Variants in NBPF20 observed in about 807,000 individuals in gnomAD.
NBPF20 encodes NBPF family member NBPF20.
Under a neutral mutation model 68.1 loss-of-function variants are expected in NBPF20, and 90 were observed. The observed-to-expected ratio is 1.32, with a 90% CI of 1.11 to 1.58. The LOEUF (loss-of-function observed/expected upper bound fraction) is 1.58, where lower values mean the gene tolerates loss of function less well. NBPF20 is among the 40% of genes most tolerant of loss of function. The probability of loss-of-function intolerance (pLI) is 0.00; values close to 1 mark genes in which losing one functional copy is unlikely to be tolerated. For synonymous variants in NBPF20, 290 were observed against 228.1 expected (o/e 1.27, Z -2.45); for missense variants, 816 against 601.2 (o/e 1.36, Z -3.74).
chr1:145,393,383 G>T (rs1273797057), intron 9 of NBPF20, 137 bp from the exon 15 acceptor site: 28 of 713,674 alleles, frequency 3.9e-5, no homozygotes, highest in Admixed American at 1.6e-4. Flanking sequence ...AGAAATTATT[G>T]CCTTTATGTT....
intron 6 of NBPF20, among the ~76,000 whole-genome samples, chr1:145,400,002 T>C (rs1229235715): frequency 2.0e-5 from 3 of 152,120 alleles, no homozygotes; most frequent in African/African-American, 4.8e-5. Flanking sequence ...GGGGGAACAA[T>C]ATTTCCAAAT....
Position 145,352,107 on chromosome 1 carries a change from A to T in NBPF20, c.7350-18T>A, listed in dbSNP as rs1240544424. 8,920 of 28,204 alleles carry T rather than the reference A, an allele frequency of 0.32. 65 individuals are homozygous for T. Among genetic ancestry groups the T allele is most frequent in the African/African-American group, 0.42 (683 of 1,642 alleles). The allele number at this position is 28,204 out of a possible 1,614,324, so 1.7% of individuals were successfully genotyped here. On this transcript the variant is annotated intron_variant, in intron 61 of 137. Coordinates refer to ENST00000369373, the Ensembl canonical transcript of NBPF20. Reference sequence around the variant, plus strand: ...TGCTGAGCCTGGAAAAGGAGGAAAAAGTAAAGAATAAGCCAGGGGAAATCA... The same window carrying T: ...TGCTGAGCCTGGAAAAGGAGGAAAATGTAAAGAATAAGCCAGGGGAAATCA...
At chr1:145,406,040 T>C (rs1219390239), upstream of NBPF20, among the ~76,000 whole-genome samples, 1 of 147,990 alleles carries the variant, frequency 6.8e-6, no homozygotes, top group Non-Finnish European at 1.5e-5. Flanking sequence ...TGCCTCAGAC[T>C]CCCAAGTAGC....
At chr1:145,413,804 TA>T in the NBPF20 span, among the ~76,000 whole-genome samples, 4 of 119,752 alleles carry the variant, frequency 3.3e-5, no homozygotes, top group East Asian at 4.5e-4. Context: ...CATTTCACAT[TA>T]GGGGCAGATA....
At position 145,393,909 on chromosome 1, in the gene NBPF20, C is replaced by A; in HGVS notation, c.1018G>T (p.Glu340Ter). 2 of 1,528,392 alleles carry A rather than the reference C, an allele frequency of 1.3e-6. No homozygotes were observed. The highest frequency in any genetic ancestry group is 1.8e-6 in the Non-Finnish European group (2 of 1,115,274). 94.7% of individuals were successfully genotyped at this position (1,528,392 alleles called of 1,614,324 possible). A position where few individuals can be genotyped will look rare whatever the true frequency, so the allele number is the denominator to read the frequency against. Residue 340 changes from glutamate to a stop codon, truncating the protein, a stop_gained, in exon 9 of 138, where the codon GAG becomes TAG. Coordinates refer to ENST00000369373, the Ensembl canonical transcript of NBPF20. LOFTEE classifies it high-confidence loss of function. ...CTGGGACCTGTTGCCTCTTGGTCCT[C>A]CTTTTTCACTTGATCCCACCGATGT... is the stretch of plus-strand genomic sequence containing the variant.
chr1:145,311,808 T>G, intron 112 of NBPF20, among the ~76,000 whole-genome samples: 2 of 94,858 alleles, frequency 2.1e-5, no homozygotes, highest in Non-Finnish European at 4.0e-5. Flanking sequence ...GGAGAAAAAC[T>G]GCACTATTCA....
the NBPF20 span, among the ~76,000 whole-genome samples, chr1:145,417,389 G>C: frequency 6.9e-6 from 1 of 144,180 alleles, no homozygotes; most frequent in Non-Finnish European, 1.5e-5. Flanking sequence ...AAATCTGAGG[G>C]ATCCTGGGTT....
the NBPF20 span, among the ~76,000 whole-genome samples, chr1:145,424,571 G>T: frequency 2.6e-5 from 4 of 152,196 alleles, no homozygotes; most frequent in Non-Finnish European, 5.9e-5. Context: ...CAAAGAAAAG[G>T]TATCACTGCA....
intron 2 of NBPF20, 98 bp downstream of exon 7, chr1:145,405,000 A>C (rs587690429): frequency 7.8e-5 from 65 of 837,860 alleles, no homozygotes; most frequent in Non-Finnish European, 1.1e-4. Flanking sequence ...CTACAAGTAC[A>C]AGAAGGATGA....
At chr1:145,402,671 G>T in intron 3 of NBPF20, among the ~76,000 whole-genome samples, 1 of 150,788 alleles carries the variant, frequency 6.6e-6, no homozygotes, top group Non-Finnish European at 1.5e-5. Flanking sequence ...CATCCTTTCA[G>T]TTCCTCACTC....
chr1:145,291,889 T>C (rs1471133868), intron 137 of NBPF20, 120 bp from the exon 143 acceptor site: 21 of 1,579,978 alleles, frequency 1.3e-5, no homozygotes, highest in Non-Finnish European at 1.7e-5. Context: ...GATCCATTAA[T>C]GAGGTAAAAA....
chr1:145,395,627 A>T (rs1553663613), intron 7 of NBPF20, among the ~76,000 whole-genome samples: 3 of 149,910 alleles, frequency 2.0e-5, no homozygotes, highest in African/African-American at 7.6e-5. Context: ...ACTACCAACA[A>T]ATAGGAAAAA....
intron 6 of NBPF20, among the ~76,000 whole-genome samples, chr1:145,399,857 A>AGGGTC (rs1388389253): frequency 2.0e-4 from 29 of 147,650 alleles, no homozygotes; most frequent in Admixed American, 1.5e-3. Flanking sequence ...GTGGAGAACC[A>AGGGTC]GGGTCCAGCC....
chr1:145,393,687 G>T, intron 9 of NBPF20, 197 bp downstream of exon 14: 7 of 1,422,706 alleles, frequency 4.9e-6, no homozygotes, highest in South Asian at 1.3e-5. Flanking sequence ...CTTTCACTAG[G>T]TTAGTAAATG....
At chr1:145,406,082 CTAATT>C (rs1662766489), upstream of NBPF20, among the ~76,000 whole-genome samples, 1 of 143,690 alleles carries the variant, frequency 7.0e-6, no homozygotes, top group Admixed American at 6.9e-5. Context: ...CCACGCCCGG[CTAATT>C]TTTTTTTTTT....
chr1:145,393,664 G>A, intron 9 of NBPF20: 2 of 1,297,650 alleles, frequency 1.5e-6, no homozygotes, highest in East Asian at 2.5e-5. Flanking sequence ...TACAGCTTTT[G>A]AGTTATGGTC....
At chr1:145,425,237 A>ACCCCCCCC in the NBPF20 span, among the ~76,000 whole-genome samples, 9 of 58,828 alleles carry the variant, frequency 1.5e-4, no homozygotes, top group East Asian at 5.5e-4. Context: ...CCAACCCCCC[A>ACCCCCCCC]CCCCGCCTCG....
chr1:145,291,795 A>G lies in NBPF20; in HGVS notation c.16698-26T>C, dbSNP rs587598535. ...CTGGAAAAGGAGACAAAACTAAAGA[A>G]GCAGCCAGGGAAAATCAGAAACCAC... On this transcript the variant is annotated intron_variant, in intron 137 of 137. Transcript: ENST00000369373. 96 of 1,611,990 alleles carry G rather than the reference A, an allele frequency of 6.0e-5. 2 individuals are homozygous for G. In the South Asian group the frequency reaches 9.9e-4, roughly 17 times the overall value.
At position 145,291,909 on chromosome 1, in the gene NBPF20, T is replaced by C. The variant is rs757864359; in HGVS notation, c.16698-140A>G. 38 of 1,547,302 alleles carry C rather than the reference T, an allele frequency of 2.5e-5. 1 individual carries two copies. The highest frequency in any genetic ancestry group is 3.0e-5 in the Non-Finnish European group (34 of 1,146,732). ...ATTAATGAGGTAAAAAAAAAATTTATTGCCTATATGTTGGGATAGAACAGG... is the reference window on the plus strand; with the variant it reads ...ATTAATGAGGTAAAAAAAAAATTTACTGCCTATATGTTGGGATAGAACAGG... On this transcript the variant is annotated intron_variant, in intron 137 of 137. Coordinates refer to ENST00000369373, the Ensembl canonical transcript of NBPF20.
Sources: allele counts gnomAD v4.1 joint callset (sites outside exome capture counted in the v4.1 genomes callset), GRCh38; gene constraint gnomAD v4.1.1; transcripts MANE v1.5; gene names NCBI Gene and HGNC (gene_info 2026-07-23, HGNC 2026-07-21).